Variants in GRAP observed in about 807,000 individuals in gnomAD.
The protein encoded by GRAP is GRB2 related adaptor protein, also known as GRB2-related adapter protein.
GRAP carries 2 observed loss-of-function variants against 9.1 expected under a neutral mutation model. The observed-to-expected ratio is 0.22, with a 90% CI of 0.09 to 0.69. The LOEUF (loss-of-function observed/expected upper bound fraction) is 0.69. GRAP is among the 30% of genes least tolerant of loss of function. The pLI is 0.81. For synonymous variants in GRAP, 68 were observed against 73.6 expected, an observed-to-expected ratio of 0.92 and a Z score of 0.39; for missense variants, 113 against 179.4, an observed-to-expected ratio of 0.63 and a Z score of 2.12.
chr17:19,024,700 A>G lies in GRAP; in HGVS notation c.300-317T>C, dbSNP rs749563947. On this transcript the variant is annotated intron_variant, in intron 3 of 4. Transcript: ENST00000284154. The surrounding 1 kb of genome is among the most constrained non-coding windows in gnomAD (Gnocchi z 4.2). ...CATAATGATAACATCTCCGTTATGG[A>G]TAAGTGCACAGTGACTGGCATATTG... Among the ~76,000 whole-genome samples the G allele has an allele frequency of 3.0e-4, 45 of 152,164 alleles. No individual in the cohort carries two copies. Among genetic ancestry groups the G allele is most frequent in the Non-Finnish European group, 6.0e-4 (41 of 68,010 alleles).
At chr17:19,025,861 G>A (rs1380469344) in intron 3 of GRAP, among the ~76,000 whole-genome samples, 1 of 29,910 alleles carries the variant, frequency 3.3e-5, no homozygotes, top group African/African-American at 1.7e-4. Context: ...TGATCCACCC[G>A]CCTCAGCCTC....
intron 4 of GRAP, among the ~76,000 whole-genome samples, chr17:19,022,974 G>C (rs935539988): frequency 6.6e-6 from 1 of 152,214 alleles, no homozygotes; most frequent in Non-Finnish European, 1.5e-5. Context: ...CCCACGGCCC[G>C]GGCCAGAGCG....
At position 19,024,445 on chromosome 17, in the gene GRAP, G is replaced by A; in HGVS notation, c.300-62C>T. The A allele has an allele frequency of 6.4e-6, 10 of 1,562,764 alleles. No homozygotes were observed. Among genetic ancestry groups the A allele is most frequent in the Non-Finnish European group, 8.7e-6 (10 of 1,152,372 alleles). ...CCGTCCCAGCCTGGCATGGTCCCAG[G>A]GGCTCCCGTCTCACTACCACCTGGA... On this transcript the variant is annotated intron_variant, in intron 3 of 4. Transcript: ENST00000284154. The surrounding 1 kb of genome is among the most constrained non-coding windows in gnomAD (Gnocchi z 4.2).
In GRAP at chr17:19,024,095, A is replaced by G; in HGVS notation, c.468+120T>C. 2 of 1,007,214 alleles carry G rather than the reference A, an allele frequency of 2.0e-6. No individual in the cohort carries two copies. The highest frequency in any genetic ancestry group is 2.9e-6 in the Non-Finnish European group (2 of 678,406). The allele number at this position is 1,007,214 out of a possible 1,614,324, so 62.4% of individuals were successfully genotyped here. A position where few individuals can be genotyped will look rare whatever the true frequency, so the allele number is the denominator to read the frequency against. The stretch of plus-strand genomic sequence containing the variant: ...GCCTGGGCTGGACGCCTCTTGCAAT[A>G]CCAGGCTGCTGGGGAAGTGAGACCA... On this transcript the variant is annotated intron_variant, in intron 4 of 4. Coordinates refer to ENST00000284154, the MANE Select transcript of GRAP (RefSeq NM_006613.4). This position sits in a 1 kb window ranked among gnomAD's most constrained non-coding sequence, Gnocchi z 4.2.
At chr17:19,048,452 C>A, upstream of GRAP, among the ~76,000 whole-genome samples, 1 of 110,232 alleles carries the variant, frequency 9.1e-6, no homozygotes, top group African/African-American at 6.2e-5. Flanking sequence ...GTTTTTCTTC[C>A]TTCATTTATA....
At chr17:19,025,914 G>A (rs1224727943) in intron 3 of GRAP, among the ~76,000 whole-genome samples, 10 of 20,662 alleles carry the variant, frequency 4.8e-4, no homozygotes, top group African/African-American at 2.4e-3. Flanking sequence ...GCACCCAGCC[G>A]AGCCTGCTCT....
chr17:19,023,081 CAGGGAGG>C (rs1227236533), intron 4 of GRAP, among the ~76,000 whole-genome samples: 1 of 152,066 alleles, frequency 6.6e-6, no homozygotes, highest in Non-Finnish European at 1.5e-5. Flanking sequence ...AGGTGGTGAA[CAGGGAGG>C]AGGATGGAGA....
At chr17:19,023,232 A>G (rs115496750) in intron 4 of GRAP, among the ~76,000 whole-genome samples, 6,186 of 151,736 alleles carry the variant, frequency 0.041, 195 homozygotes, top group East Asian at 0.15. Flanking sequence ...GCACTGTTTG[A>G]CTCCCCTGGC....
At chr17:19,022,301 A>C (rs373185773) in intron 4 of GRAP, 157 bp from the exon 5 acceptor site, 50 of 483,824 alleles carry the variant, frequency 1.0e-4, no homozygotes, top group African/African-American at 1.0e-3. Flanking sequence ...TAGTGCCACC[A>C]CTGGGCCTCC....
chr17:19,025,643 C>T (rs1300309052), intron 3 of GRAP, among the ~76,000 whole-genome samples: 22 of 139,876 alleles, frequency 1.6e-4, no homozygotes, highest in Non-Finnish European at 2.7e-4. Context: ...GGCGTAGTCT[C>T]GCTCTGTCAC....
chr17:19,027,531 C>T (rs1407357307), intron 3 of GRAP, among the ~76,000 whole-genome samples: 19 of 146,084 alleles, frequency 1.3e-4, no homozygotes, highest in African/African-American at 4.5e-4. Context: ...CACACCCCTA[C>T]CTCTCCTGGG....
rs1377276908 is a variant in GRAP, at chr17:19,024,253, G to A, written c.430C>T (p.Arg144Trp). The A allele has an allele frequency of 2.5e-6, 4 of 1,602,764 alleles. No homozygotes were observed. The highest frequency in any genetic ancestry group is 1.7e-4 in the Middle Eastern group (1 of 6,018). The change falls in exon 4 of 5, where the codon CGG becomes TGG. Residue 144 changes from arginine to tryptophan, a missense_variant. This residue lies in a region of GRAP where 113 missense variants were observed against 163.3 expected (regional missense o/e 0.69). Transcript: ENST00000284154. This position sits in a 1 kb window ranked among gnomAD's most constrained non-coding sequence, Gnocchi z 4.2. ...TCCTCGTCGCGCAGGAAGATCTGCC[G>A]CTTCTTGGCGATGGTGGTGGTGCGG... ...FYRTTTIAKK[R>W]QIFLRDEEPL... is the part of the protein sequence containing the mutation.
chr17:19,027,522 A>C (rs1488978725), intron 3 of GRAP, among the ~76,000 whole-genome samples: 1 of 144,964 alleles, frequency 6.9e-6, no homozygotes, highest in African/African-American at 2.6e-5. Flanking sequence ...ACACACACAC[A>C]CACCCCTACC....
At chr17:19,022,166 A>G in intron 4 of GRAP, 22 bp from the exon 5 acceptor site, 2 of 1,373,404 alleles carry the variant, frequency 1.5e-6, no homozygotes, top group Non-Finnish European at 9.6e-7. Context: ...GGAGGTGGTT[A>G]GTAGGGTGCC....
chr17:19,027,476 GCGCGCGCGCACA>G (rs1485643533), intron 3 of GRAP, among the ~76,000 whole-genome samples: 17 of 80,014 alleles, frequency 2.1e-4, no homozygotes, highest in African/African-American at 6.1e-4. Context: ...ACATGCGCGC[GCGCGCGCGCACA>G]CACACACACA....
rs535108648 is a variant in GRAP at position 19,024,072 on chromosome 17, C to T, written c.468+143G>A. On this transcript the variant is annotated intron_variant, in intron 4 of 4. Coordinates refer to ENST00000284154, the MANE Select transcript of GRAP (RefSeq NM_006613.4). The surrounding 1 kb of genome is among the most constrained non-coding windows in gnomAD (Gnocchi z 4.2). ...CGCCACCAGGATATAACTTCGAAGC[C>T]TGGGCTGGACGCCTCTTGCAATACC... The T allele has an allele frequency of 3.8e-6, 3 of 786,634 alleles. No homozygotes were observed. The highest frequency in any genetic ancestry group is 2.0e-6 in the Non-Finnish European group (1 of 491,352). The allele number at this position is 786,634 out of a possible 1,614,324, so 48.7% of individuals were successfully genotyped here. A position where few individuals can be genotyped will look rare whatever the true frequency, so the allele number is the denominator to read the frequency against.
chr17:19,023,582 C>A (rs1258974164), intron 4 of GRAP, among the ~76,000 whole-genome samples: 1 of 152,110 alleles, frequency 6.6e-6, no homozygotes, highest in Non-Finnish European at 1.5e-5. Context: ...GATGAAAGGG[C>A]TGGCTGGCAA....
In GRAP at chr17:19,021,782, G is replaced by A. The variant is rs1428659703; in HGVS notation, c.*177C>T. On this transcript the variant is annotated 3_prime_UTR_variant, in exon 5 of 5. Coordinates refer to ENST00000284154, the MANE Select transcript of GRAP (RefSeq NM_006613.4). This position sits in a 1 kb window ranked among gnomAD's most constrained non-coding sequence, Gnocchi z 4.1. The stretch of plus-strand genomic sequence containing the variant: ...CTACCCTTGCTGGGTACCCTTGCTG[G>A]GGGACCTGGGCCATCCCAGTTTGTG... 3 of 519,152 alleles carry A rather than the reference G, an allele frequency of 5.8e-6. No homozygotes were observed. The highest frequency in any genetic ancestry group is 9.1e-6 in the Non-Finnish European group (3 of 331,202). 32.2% of individuals were successfully genotyped at this position (519,152 alleles called of 1,614,324 possible). A position where few individuals can be genotyped will look rare whatever the true frequency, so the allele number is the denominator to read the frequency against.
Position 19,021,932 on chromosome 17 carries a change from C to T in GRAP, c.*27G>A, listed in dbSNP as rs552267271. On this transcript the variant is annotated 3_prime_UTR_variant, in exon 5 of 5. Transcript: ENST00000284154. This position sits in a 1 kb window ranked among gnomAD's most constrained non-coding sequence, Gnocchi z 4.1. Reference sequence around the variant, plus strand: ...GGACCTCAGTTCCTGTAAAAAGGCCCGTTGGCCAGATCGGCCGCCGGGCTG... The same window carrying T: ...GGACCTCAGTTCCTGTAAAAAGGCCTGTTGGCCAGATCGGCCGCCGGGCTG... 3.0e-5 allele frequency: 44 copies of T among 1,482,424 alleles called. No homozygotes were observed. The East Asian group carries it at 7.4e-4, about 25-fold the overall frequency. 91.8% of individuals were successfully genotyped at this position (1,482,424 alleles called of 1,614,324 possible).
Sources: allele counts gnomAD v4.1 joint callset (sites outside exome capture counted in the v4.1 genomes callset), GRCh38; gene constraint gnomAD v4.1.1; regional missense constraint gnomAD v4.1.1; non-coding constraint Gnocchi (gnomAD v3.1); transcripts MANE v1.5; gene names NCBI Gene and HGNC (gene_info 2026-07-23, HGNC 2026-07-21).